Variants in EEF1AKMT2 observed in about 807,000 individuals in gnomAD.
EEF1AKMT2 encodes the protein eukaryotic translation elongation factor 1 alpha lysine methyltransferase 2.
A neutral mutation model predicts 35.8 loss-of-function variants in EEF1AKMT2; 32 were observed. The observed-to-expected ratio is 0.89, with a 90% CI of 0.67 to 1.20. EEF1AKMT2 has a LOEUF of 1.20. Ranked by LOEUF, EEF1AKMT2 falls within the 50% of genes most tolerant of loss-of-function variation. The pLI is 0.00. For synonymous variants in EEF1AKMT2, 121 were observed against 133.7 expected (o/e 0.91, Z 0.65); for missense variants, 330 against 347.5 (o/e 0.95, Z 0.40).
At chr10:124,779,221 C>G (rs890236466) in intron 3 of EEF1AKMT2, among the ~76,000 whole-genome samples, 11 of 152,120 alleles carry the variant, frequency 7.2e-5, no homozygotes, top group African/African-American at 2.4e-4. Flanking sequence ...GCCTCAACCT[C>G]CCCAGGCTCA....
chr10:124,785,984 T>C (rs1950580940), intron 3 of EEF1AKMT2, among the ~76,000 whole-genome samples: 1 of 148,566 alleles, frequency 6.7e-6, no homozygotes, highest in East Asian at 2.0e-4. Context: ...ATTAGAGAAA[T>C]GCAAATTAAA....
chr10:124,787,433 C>CAAAAAAAA (rs398015024), intron 3 of EEF1AKMT2, among the ~76,000 whole-genome samples: 1 of 37,432 alleles, frequency 2.7e-5, no homozygotes, highest in Non-Finnish European at 4.2e-5. Context: ...GACTCTGTCT[C>CAAAAAAAA]AAAAAAAAAA....
At position 124,758,338 on chromosome 10, in the gene EEF1AKMT2, G is replaced by A. The variant is rs1034862916; in HGVS notation, c.*2165C>T. ...GGAACCTGGTGACACTTGCTGGCCT[G>A]GTTTTTACAGTTTGGTATTATGTGA... On this transcript the variant is annotated 3_prime_UTR_variant, in exon 7 of 7. Coordinates refer to ENST00000368836, the MANE Select transcript of EEF1AKMT2 (RefSeq NM_212554.4). 1.3e-5 allele frequency: 2 copies of A among 152,010 alleles called. No individual in the cohort carries two copies. The highest frequency in any genetic ancestry group is 4.8e-5 in the African/African-American group (2 of 41,368). 9.4% of individuals were successfully genotyped at this position (152,010 alleles called of 1,614,324 possible). A position where few individuals can be genotyped will look rare whatever the true frequency, so the allele number is the denominator to read the frequency against.
intron 4 of EEF1AKMT2, among the ~76,000 whole-genome samples, chr10:124,771,311 G>A (rs377397953): frequency 1.6e-4 from 25 of 151,746 alleles, no homozygotes; most frequent in East Asian, 1.6e-3. Flanking sequence ...ATGTTAGCCA[G>A]GATGGTCTTG....
chr10:124,775,738 A>C (rs1160747479), intron 3 of EEF1AKMT2, among the ~76,000 whole-genome samples: 1 of 152,118 alleles, frequency 6.6e-6, no homozygotes, highest in Non-Finnish European at 1.5e-5. Context: ...CTACAGGTAG[A>C]TTGCTCCCTT....
chr10:124,762,016 CA>C (rs1258357057), intron 6 of EEF1AKMT2, among the ~76,000 whole-genome samples: 8 of 152,108 alleles, frequency 5.3e-5, no homozygotes, highest in African/African-American at 1.7e-4. Flanking sequence ...TTTCTTGAGG[CA>C]GGGGTGGGGT....
At chr10:124,769,233 A>AATATATATATATATATATATATATATAT (rs1554917157) in intron 4 of EEF1AKMT2, among the ~76,000 whole-genome samples, 2 of 13,320 alleles carry the variant, frequency 1.5e-4, no homozygotes, top group African/African-American at 1.7e-4. Flanking sequence ...AAAAAAAAAA[A>AATATATATATATATATATATATATATAT]ATATATATAT....
At chr10:124,775,775 A>G (rs76647989) in intron 3 of EEF1AKMT2, among the ~76,000 whole-genome samples, 6,856 of 152,124 alleles carry the variant, frequency 0.045, 191 homozygotes, top group South Asian at 0.1. Flanking sequence ...CTAAAGGTCT[A>G]ATATTCTCTT....
intron 3 of EEF1AKMT2, 93 bp downstream of exon 3, chr10:124,788,950 T>C: frequency 1.3e-6 from 1 of 796,680 alleles, no homozygotes; most frequent in Non-Finnish European, 2.0e-6. Flanking sequence ...TTTACTATTT[T>C]ATATTTAGAT....
At position 124,789,039 on chromosome 10, in the gene EEF1AKMT2, C is replaced by A; in HGVS notation, c.291+4G>T. 1 of 1,601,414 alleles carries A rather than the reference C, an allele frequency of 6.2e-7. No homozygotes were observed. Among genetic ancestry groups the A allele is most frequent in the Non-Finnish European group, 8.5e-7 (1 of 1,173,256 alleles). ...TTTAACAAACAAATACTAAAAGTAC[C>A]AACAAGTTCAACCAGGAAAACACCA... On this transcript the variant is annotated splice_donor_region_variant and intron_variant, in intron 3 of 6. Coordinates refer to ENST00000368836, the MANE Select transcript of EEF1AKMT2 (RefSeq NM_212554.4).
In EEF1AKMT2 at chr10:124,789,129, T is replaced by C. The variant is rs776316047; in HGVS notation, c.205A>G (p.Ile69Val). 1.2e-6 allele frequency: 2 copies of C among 1,613,446 alleles called. No homozygotes were observed. The highest frequency in any genetic ancestry group is 1.7e-4 in the Middle Eastern group (1 of 6,060). The change falls in exon 3 of 7, where the codon ATA becomes GTA. Residue 69 changes from isoleucine to valine, a missense_variant. By Grantham distance (29) the Ile-to-Val change is conservative. Coordinates refer to ENST00000368836, the MANE Select transcript of EEF1AKMT2 (RefSeq NM_212554.4). ...ATCTTGTGTTTCTGCATCCACCTTA[T>C]TAGTCGATTCATACTCTCTTCTCCA... ...WFGEESMNRL[I>V]RWMQKHKIPL... is the part of the protein sequence containing the mutation.
At chr10:124,767,426 T>C (rs896178901) in intron 4 of EEF1AKMT2, among the ~76,000 whole-genome samples, 3 of 150,468 alleles carry the variant, frequency 2.0e-5, no homozygotes, top group South Asian at 2.1e-4. Flanking sequence ...GGCAGGAGAA[T>C]TGCTTGAACT....
At chr10:124,774,341 CTCCAGCCT>C (rs1276817938) in intron 4 of EEF1AKMT2, among the ~76,000 whole-genome samples, 85 of 138,868 alleles carry the variant, frequency 6.1e-4, no homozygotes, top group African/African-American at 2.2e-3. Context: ...CACTCCAGCC[CTCCAGCCT>C]GGGCAACTGA....
chr10:124,756,726 G>A (rs1036069885), downstream of EEF1AKMT2, among the ~76,000 whole-genome samples: 3 of 152,086 alleles, frequency 2.0e-5, no homozygotes, highest in African/African-American at 4.8e-5. Flanking sequence ...CTTACCCGTC[G>A]CTTTTCAGAG....
rs141231302 is a variant in EEF1AKMT2, at chr10:124,760,452, C to G, written c.*51G>C. 1 of 1,613,982 alleles carries G rather than the reference C, an allele frequency of 6.2e-7. No individual in the cohort carries two copies. Among genetic ancestry groups the G allele is most frequent in the Non-Finnish European group, 8.5e-7 (1 of 1,179,886 alleles). The stretch of plus-strand genomic sequence containing the variant: ...CAATGCTGCTACACTGTTTCCAGAT[C>G]TGCCTCCAAAGCTGAACTTGGGTGT... On this transcript the variant is annotated 3_prime_UTR_variant, in exon 7 of 7. Coordinates refer to ENST00000368836, the MANE Select transcript of EEF1AKMT2 (RefSeq NM_212554.4).
chr10:124,783,015 G>A, intron 3 of EEF1AKMT2: 2 of 409,720 alleles, frequency 4.9e-6, no homozygotes, highest in South Asian at 1.8e-5. Flanking sequence ...TAAGTTAAAA[G>A]GATGGAAAAC....
In EEF1AKMT2 at chr10:124,759,132, G is replaced by A. The variant is rs1216689579; in HGVS notation, c.*1371C>T. ...AAGCTGAAAATCATCAAAAAATTAT[G>A]CAAAAATTTGTATTTAGCTCCAATA... On this transcript the variant is annotated 3_prime_UTR_variant, in exon 7 of 7. Transcript: ENST00000368836. 1 of 152,100 alleles carries A rather than the reference G, an allele frequency of 6.6e-6. No homozygotes were observed. The highest frequency in any genetic ancestry group is 1.5e-5 in the Non-Finnish European group (1 of 68,006). The allele number at this position is 152,100 out of a possible 1,614,324, so 9.4% of individuals were successfully genotyped here. A position where few individuals can be genotyped will look rare whatever the true frequency, so the allele number is the denominator to read the frequency against.
rs1215572542 is a variant in EEF1AKMT2, at chr10:124,762,310, A to G, written c.865T>C (p.Leu289=). 9.3e-7 allele frequency: 1 copy of G among 1,078,744 alleles called. No individual in the cohort carries two copies. Among genetic ancestry groups the G allele is most frequent in the African/African-American group, 1.7e-5 (1 of 60,276 alleles). The allele number at this position is 1,078,744 out of a possible 1,614,324, so 66.8% of individuals were successfully genotyped here. The change falls in exon 6 of 7, where the codon TTG becomes CTG. Residue 289 remains leucine (L), a synonymous_variant. Transcript: ENST00000368836. Reference sequence around the variant, plus strand: ...TGGAAGGTCACTTACTAAAATGCCAACGAGGGCCTGGCATGGTATAATCCC... The same window carrying G: ...TGGAAGGTCACTTACTAAAATGCCAGCGAGGGCCTGGCATGGTATAATCCC... ...VLGLYHARPS[L]AF
intron 6 of EEF1AKMT2, 120 bp downstream of exon 6, chr10:124,762,180 C>T: frequency 1.3e-5 from 10 of 798,678 alleles, no homozygotes; most frequent in Non-Finnish European, 1.6e-5. Context: ...CCCACGCCAT[C>T]AAATTCACTG....
Sources: allele counts gnomAD v4.1 joint callset (sites outside exome capture counted in the v4.1 genomes callset), GRCh38; gene constraint gnomAD v4.1.1; transcripts MANE v1.5; gene names NCBI Gene and HGNC (gene_info 2026-07-23, HGNC 2026-07-21).